Variants in SOX5 observed in about 807,000 individuals in gnomAD.
SOX5 encodes the protein transcription factor SOX-5.
A neutral mutation model predicts 92.0 loss-of-function variants in SOX5; 9 were observed. The ratio of observed to expected loss-of-function variants is 0.10; its 90% CI spans 0.06 to 0.17. The LOEUF is 0.17. SOX5 is among the 10% of genes least tolerant of loss of function. SOX5 has a pLI of 1.00. For synonymous variants in SOX5, 344 were observed against 336.3 expected (o/e 1.02, Z -0.25); for missense variants, 642 against 944.5 (o/e 0.68, Z 4.20).
intron 2 of SOX5, among the ~76,000 whole-genome samples, chr12:23,872,164 A>C (rs1206279050): frequency 1.6e-5 from 1 of 61,630 alleles, no homozygotes; most frequent in African/African-American, 5.7e-5. Context: ...CGCCCGGCTA[A>C]TTTTTTTTTT....
chr12:24,032,493 T>C (rs374483756), intron 4 of SOX5, among the ~76,000 whole-genome samples: 2 of 151,986 alleles, frequency 1.3e-5, no homozygotes, highest in East Asian at 1.9e-4. Flanking sequence ...ATCAAATATA[T>C]TTCACTTGTT....
chr12:24,551,657 C>T (rs1338961994), intron 1 of SOX5, among the ~76,000 whole-genome samples: 1 of 152,212 alleles, frequency 6.6e-6, no homozygotes, highest in Non-Finnish European at 1.5e-5. Context: ...ATAATAGACA[C>T]AGAGGACTCA....
At chr12:23,889,317 T>C (rs1375651459) in intron 2 of SOX5, among the ~76,000 whole-genome samples, 7 of 152,192 alleles carry the variant, frequency 4.6e-5, no homozygotes, top group African/African-American at 1.7e-4. Flanking sequence ...ATCTTTACCA[T>C]ACCATAATTA....
intron 2 of SOX5, among the ~76,000 whole-genome samples, chr12:23,867,776 C>T (rs532123224): frequency 3.3e-5 from 5 of 151,120 alleles, no homozygotes; most frequent in Admixed American, 6.6e-5. Flanking sequence ...CTTTGAAAAG[C>T]GATCTGTAAA....
chr12:23,829,456 C>T (rs544980236), intron 3 of SOX5, among the ~76,000 whole-genome samples: 2 of 152,240 alleles, frequency 1.3e-5, no homozygotes, highest in Admixed American at 6.5e-5. Context: ...GCTGGCTCTT[C>T]ACTCTTGAAT....
At chr12:24,473,837 T>C (rs1220697521) in intron 1 of SOX5, among the ~76,000 whole-genome samples, 1 of 151,974 alleles carries the variant, frequency 6.6e-6, no homozygotes, top group Non-Finnish European at 1.5e-5. Context: ...GAAGATAGAG[T>C]TTTCATGTGA....
chr12:23,971,573 A>T (rs1461425919), intron 4 of SOX5, among the ~76,000 whole-genome samples: 4 of 151,026 alleles, frequency 2.6e-5, no homozygotes, highest in Admixed American at 6.6e-5. Context: ...AAATTATATC[A>T]TTGATTCACA....
At chr12:24,059,601 G>A (rs562629207) in intron 4 of SOX5, among the ~76,000 whole-genome samples, 3 of 152,226 alleles carry the variant, frequency 2.0e-5, no homozygotes, top group East Asian at 3.9e-4. Context: ...TGTGTGTGAT[G>A]GGGAATGGCA....
chr12:24,426,724 T>G (rs1429877654), intron 1 of SOX5, among the ~76,000 whole-genome samples: 1 of 152,192 alleles, frequency 6.6e-6, no homozygotes, highest in Non-Finnish European at 1.5e-5. Flanking sequence ...TGCCCCATAG[T>G]ACACAGAAAG....
rs1427158657 is a variant in SOX5 at position 24,249,841 on chromosome 12, C to T, written c.-77+27375G>A. 3.3e-5 allele frequency among the ~76,000 whole-genome samples: 5 copies of T among 152,220 alleles called. No individual in the cohort carries two copies. The East Asian group carries it at 9.6e-4, about 29-fold the overall frequency. On this transcript the variant is annotated intron_variant, in intron 3 of 4. Transcript: ENST00000446891. ...ATGGTCTTTTATATTTCACTCAATA[C>T]TTTAAGATCACCTTTGTTCTGGTAC...
chr12:24,004,810 T>C (rs1951980010), intron 4 of SOX5, among the ~76,000 whole-genome samples: 1 of 152,102 alleles, frequency 6.6e-6, no homozygotes, highest in South Asian at 2.1e-4. Flanking sequence ...TATTTGAATG[T>C]GAATGTCATA....
rs113282875 is a variant in SOX5, at chr12:24,429,831, A to C, written c.-250-61192T>G. Among the ~76,000 whole-genome samples the C allele has an allele frequency of 7.2e-3, 1,097 of 152,332 alleles. 14 individuals carry two copies. Among genetic ancestry groups the C allele is most frequent in the Non-Finnish European group, 6.6e-3 (450 of 68,028 alleles). On this transcript the variant is annotated intron_variant, in intron 1 of 4. Transcript: ENST00000446891. ...CAAATGAAAAAATTAAAGGATTATA[A>C]GATAACATCCAATACAACAGGTTAC...
At chr12:24,165,007 G>A (rs2139041604) in intron 4 of SOX5, among the ~76,000 whole-genome samples, 1 of 152,036 alleles carries the variant, frequency 6.6e-6, no homozygotes, top group South Asian at 2.1e-4. Context: ...TAGTATACAG[G>A]AAACTAAATA....
intron 4 of SOX5, among the ~76,000 whole-genome samples, chr12:24,170,698 C>T (rs1266778524): frequency 1.3e-5 from 2 of 152,132 alleles, no homozygotes; most frequent in South Asian, 2.1e-4. Context: ...AATTATCAAG[C>T]GCATTATGAA....
At chr12:23,960,851 A>C (rs1457074752) in intron 4 of SOX5, among the ~76,000 whole-genome samples, 1 of 152,146 alleles carries the variant, frequency 6.6e-6, no homozygotes, top group Non-Finnish European at 1.5e-5. Flanking sequence ...AATGGTTATA[A>C]TGGTGGGAGT....
At chr12:24,532,739 C>G (rs1298108082) in intron 1 of SOX5, among the ~76,000 whole-genome samples, 1 of 152,186 alleles carries the variant, frequency 6.6e-6, no homozygotes, top group African/African-American at 2.4e-5. Context: ...CAGACTAAAA[C>G]TACCATTTTC....
At chr12:23,983,560 C>T (rs1300097174) in intron 4 of SOX5, among the ~76,000 whole-genome samples, 1 of 152,226 alleles carries the variant, frequency 6.6e-6, no homozygotes, top group South Asian at 2.1e-4. Context: ...AACTTCCTTC[C>T]TATGTTGACA....
At chr12:24,545,152 C>T (rs1952501863) in intron 1 of SOX5, among the ~76,000 whole-genome samples, 1 of 152,208 alleles carries the variant, frequency 6.6e-6, no homozygotes, top group Non-Finnish European at 1.5e-5. Context: ...ATACCCCGTA[C>T]ATAAAGAGAC....
At chr12:24,428,224 A>T (rs1047430602) in intron 1 of SOX5, among the ~76,000 whole-genome samples, 8 of 152,034 alleles carry the variant, frequency 5.3e-5, no homozygotes, top group African/African-American at 1.9e-4. Flanking sequence ...AAAAAAAAAA[A>T]AACCTGAGTT....
Sources: allele counts gnomAD v4.1 joint callset (sites outside exome capture counted in the v4.1 genomes callset), GRCh38; gene constraint gnomAD v4.1.1; transcripts MANE v1.5; gene names NCBI Gene and HGNC (gene_info 2026-07-23, HGNC 2026-07-21).